The following LOC128706666 variants were observed in gnomAD, a reference collection of about 807,000 sequenced individuals.
chr20:10,416,008 G>A, the LOC128706666 span, among the ~76,000 whole-genome samples: 1 of 152,040 alleles, frequency 6.6e-6, no homozygotes, highest in Non-Finnish European at 1.5e-5. Context: ...CAAACCACTG[G>A]GGCTGGTTTA....
the LOC128706666 span, among the ~76,000 whole-genome samples, chr20:10,423,339 T>G: frequency 6.6e-6 from 1 of 152,076 alleles, no homozygotes; most frequent in African/African-American, 2.4e-5. Context: ...GAGGATCGCT[T>G]GGACCTTGGG....
chr20:10,421,416 CAAAA>C, the LOC128706666 span, among the ~76,000 whole-genome samples: 19,680 of 86,060 alleles, frequency 0.23, 1,316 homozygotes, highest in East Asian at 0.37. Context: ...GACTCCATCA[CAAAA>C]AAAAAAAAAA....
chr20:10,427,929 C>A, the LOC128706666 span, among the ~76,000 whole-genome samples: 1 of 152,184 alleles, frequency 6.6e-6, no homozygotes, highest in Admixed American at 6.5e-5. Flanking sequence ...CTGCTAACAG[C>A]GTAACTGAGT....
At chr20:10,432,100 G>A in the LOC128706666 span, among the ~76,000 whole-genome samples, 1 of 152,198 alleles carries the variant, frequency 6.6e-6, no homozygotes, top group African/African-American at 2.4e-5. Context: ...TGGCTGAAGA[G>A]AGTTGAAGTT....
the LOC128706666 span, among the ~76,000 whole-genome samples, chr20:10,432,769 G>A: frequency 8.3e-6 from 1 of 120,066 alleles, no homozygotes; most frequent in East Asian, 2.3e-4. Context: ...CAGCCTGCGC[G>A]ACAGAGCGAG....
chr20:10,423,419 C>CA, the LOC128706666 span, among the ~76,000 whole-genome samples: 3 of 151,100 alleles, frequency 2.0e-5, no homozygotes, highest in East Asian at 1.9e-4. Context: ...GCGATCGTTT[C>CA]AAAAAAACAA....
chr20:10,418,577 C>T, the LOC128706666 span, among the ~76,000 whole-genome samples: 2 of 152,166 alleles, frequency 1.3e-5, no homozygotes, highest in East Asian at 3.9e-4. Context: ...AAATGTTAGC[C>T]TCTAAAACTT....
chr20:10,422,425 G>A, the LOC128706666 span, among the ~76,000 whole-genome samples: 1 of 152,056 alleles, frequency 6.6e-6, no homozygotes, highest in Non-Finnish European at 1.5e-5. Flanking sequence ...AAATTTCATT[G>A]TGAAGTCCAA....
At chr20:10,427,029 GACACACACACACACACACAC>G in the LOC128706666 span, among the ~76,000 whole-genome samples, 7 of 130,786 alleles carry the variant, frequency 5.4e-5, no homozygotes, top group East Asian at 7.8e-4. Flanking sequence ...AGAAAACACT[GACACACACACACACACACAC>G]ACACACACAC....
chr20:10,431,884 A>G, the LOC128706666 span: 1 of 152,314 alleles, frequency 6.6e-6, no homozygotes, highest in East Asian at 1.9e-4. Flanking sequence ...ACCTACTCAG[A>G]GAGCCTTTCT....
At chr20:10,417,892 C>T in the LOC128706666 span, among the ~76,000 whole-genome samples, 3 of 152,060 alleles carry the variant, frequency 2.0e-5, no homozygotes, top group African/African-American at 7.2e-5. Context: ...AGGAAGCAAT[C>T]AGCCAAACTG....
the LOC128706666 span, among the ~76,000 whole-genome samples, chr20:10,415,949 T>C: frequency 4.2e-3 from 635 of 152,088 alleles, 5 homozygotes; most frequent in African/African-American, 0.014. Context: ...GTCACAGGTC[T>C]AGACCTGAAC....
chr20:10,430,878 G>C, the LOC128706666 span, among the ~76,000 whole-genome samples: 2 of 152,208 alleles, frequency 1.3e-5, no homozygotes, highest in African/African-American at 4.8e-5. Flanking sequence ...CTGAAACTTG[G>C]TCGACATTTT....
chr20:10,427,533 T>A, the LOC128706666 span, among the ~76,000 whole-genome samples: 1 of 152,242 alleles, frequency 6.6e-6, no homozygotes, highest in South Asian at 2.1e-4. Flanking sequence ...TAGGTATTTG[T>A]GAATTCTTCA....
At chr20:10,418,557 G>C in the LOC128706666 span, among the ~76,000 whole-genome samples, 1 of 152,126 alleles carries the variant, frequency 6.6e-6, no homozygotes, top group South Asian at 2.1e-4. Context: ...GCTTCTGCTT[G>C]CTTGACTGGA....
the LOC128706666 span, among the ~76,000 whole-genome samples, chr20:10,433,010 T>C: frequency 2.0e-5 from 3 of 152,136 alleles, no homozygotes; most frequent in Non-Finnish European, 4.4e-5. Flanking sequence ...AGAATGTTTT[T>C]ATTTATTTAT....
chr20:10,416,696 G>C, the LOC128706666 span, among the ~76,000 whole-genome samples: 1 of 152,188 alleles, frequency 6.6e-6, no homozygotes, highest in Non-Finnish European at 1.5e-5. Context: ...AGTTGTTCCA[G>C]CTAATAAATG....
At chr20:10,417,061 A>C in the LOC128706666 span, among the ~76,000 whole-genome samples, 1 of 152,100 alleles carries the variant, frequency 6.6e-6, no homozygotes, top group Admixed American at 6.5e-5. Flanking sequence ...TCACCTGGCC[A>C]ACATGGTGAA....
At chr20:10,416,900 T>C in the LOC128706666 span, among the ~76,000 whole-genome samples, 6 of 152,158 alleles carry the variant, frequency 3.9e-5, no homozygotes, top group African/African-American at 9.7e-5. Flanking sequence ...GCTTTTACAC[T>C]ACAACAGAAA....
Sources: allele counts gnomAD v4.1 joint callset (sites outside exome capture counted in the v4.1 genomes callset), GRCh38; gene constraint gnomAD v4.1.1; transcripts MANE v1.5.